The following ST3GAL1 variants were observed in gnomAD, a reference collection of about 807,000 sequenced individuals.
The protein encoded by ST3GAL1 is ST3 beta-galactoside alpha-2,3-sialyltransferase 1.
Under a neutral mutation model 34.1 loss-of-function variants are expected in ST3GAL1, and 16 were observed. That is an observed-to-expected ratio of 0.47 (90% CI 0.32 to 0.71). ST3GAL1 has a LOEUF of 0.71. Among genes scored for constraint, ST3GAL1 ranks in the 30% least tolerant of loss-of-function variants. The pLI, the probability that ST3GAL1 is intolerant of heterozygous loss-of-function variation, is 0.04. For missense variants in ST3GAL1, 353 were observed against 447.4 expected (o/e 0.79, Z 1.90); for synonymous variants, 191 against 184.7 (o/e 1.03, Z -0.28).
intron 2 of ST3GAL1, among the ~76,000 whole-genome samples, chr8:133,545,186 C>T (rs1259651740): frequency 2.0e-5 from 3 of 152,216 alleles, no homozygotes; most frequent in African/African-American, 4.8e-5. Flanking sequence ...CAGCTGTAGA[C>T]CAGAGGTTGC....
At chr8:133,528,964 A>T (rs1216851269) in intron 2 of ST3GAL1, among the ~76,000 whole-genome samples, 8 of 152,256 alleles carry the variant, frequency 5.3e-5, no homozygotes, top group Non-Finnish European at 8.8e-5. Flanking sequence ...AATAAACAGA[A>T]AAAATGGCAT....
At chr8:133,554,431 T>C (rs1327177224) in intron 1 of ST3GAL1, among the ~76,000 whole-genome samples, 2 of 152,234 alleles carry the variant, frequency 1.3e-5, no homozygotes, top group East Asian at 3.9e-4. Flanking sequence ...GACAGTGGGA[T>C]GTAGGGGTGT....
intron 1 of ST3GAL1, among the ~76,000 whole-genome samples, chr8:133,552,493 C>G (rs1230249691): frequency 6.6e-6 from 1 of 152,120 alleles, no homozygotes; most frequent in Non-Finnish European, 1.5e-5. Context: ...GGTGTGTGAA[C>G]CAGGAATGAC....
At chr8:133,518,387 C>T (rs754990949) in intron 2 of ST3GAL1, among the ~76,000 whole-genome samples, 3 of 152,172 alleles carry the variant, frequency 2.0e-5, no homozygotes, top group Non-Finnish European at 4.4e-5. Flanking sequence ...TTACCTGCCC[C>T]GTGTAATAAA....
intron 2 of ST3GAL1, among the ~76,000 whole-genome samples, chr8:133,500,199 A>T (rs1164797386): frequency 1.3e-5 from 2 of 152,116 alleles, no homozygotes; most frequent in Non-Finnish European, 2.9e-5. Context: ...AGGGACAGGG[A>T]TAAAAAGAAC....
chr8:133,471,530 C>T (rs1353182142), intron 5 of ST3GAL1, among the ~76,000 whole-genome samples: 3 of 152,276 alleles, frequency 2.0e-5, no homozygotes, highest in East Asian at 3.9e-4. Flanking sequence ...TCTTATAGAC[C>T]TATTTTACAG....
At chr8:133,568,983 A>T (rs965691156) in intron 1 of ST3GAL1, among the ~76,000 whole-genome samples, 4 of 152,176 alleles carry the variant, frequency 2.6e-5, no homozygotes, top group Non-Finnish European at 5.9e-5. Context: ...CCCTGATTAC[A>T]ATCAGCAAGA....
chr8:133,503,252 G>T (rs1033542147), intron 2 of ST3GAL1, among the ~76,000 whole-genome samples: 1 of 152,060 alleles, frequency 6.6e-6, no homozygotes, highest in East Asian at 1.9e-4. Context: ...CCCAACAAAC[G>T]TTTGATTTGT....
At chr8:133,567,601 C>T (rs1366856846) in intron 1 of ST3GAL1, among the ~76,000 whole-genome samples, 5 of 152,140 alleles carry the variant, frequency 3.3e-5, no homozygotes, top group Non-Finnish European at 7.3e-5. Context: ...AGATGGCACC[C>T]TGGCTCTGTC....
chr8:133,474,721 T>C (rs1227242234), intron 5 of ST3GAL1, among the ~76,000 whole-genome samples: 1 of 152,152 alleles, frequency 6.6e-6, no homozygotes. Flanking sequence ...ATGGTCCTGC[T>C]CTTCTCATGG....
intron 1 of ST3GAL1, among the ~76,000 whole-genome samples, chr8:133,558,610 C>T (rs1042704092): frequency 1.3e-5 from 2 of 152,124 alleles, no homozygotes; most frequent in Non-Finnish European, 2.9e-5. Context: ...CCCGTCCTCC[C>T]GCAAGTAATG....
In ST3GAL1 at chr8:133,551,541, G is replaced by GGAAAGAAAGAAA. The variant is rs10522087; in HGVS notation, c.-581-5627_-581-5616dup. Among the ~76,000 whole-genome samples, 52 of 91,972 alleles carry GGAAAGAAAGAAA rather than the reference G, an allele frequency of 5.7e-4. 1 individual carries two copies. The highest frequency in any genetic ancestry group is 9.2e-4 in the East Asian group (3 of 3,244). 60.3% of individuals were successfully genotyped at this position (91,972 alleles called of 152,430 possible). ...AAGAAAGAAAGAGAAAGAAAGAGAAGGAAAGAAAGAAAGAAAGAAAGAAAG... is the reference window on the plus strand; with the variant it reads ...AAGAAAGAAAGAGAAAGAAAGAGAAGGAAAGAAAGAAAGAAAGAAAGAAAGAAAGAAAGAAAG... On this transcript the variant is annotated intron_variant, in intron 1 of 9. Coordinates refer to ENST00000522652, the MANE Select transcript of ST3GAL1 (RefSeq NM_173344.3).
chr8:133,493,803 G>A (rs982395840), intron 3 of ST3GAL1, among the ~76,000 whole-genome samples: 6 of 148,572 alleles, frequency 4.0e-5, no homozygotes, highest in African/African-American at 1.0e-4. Flanking sequence ...CTGAGATCAC[G>A]CCACTGCACT....
intron 3 of ST3GAL1, among the ~76,000 whole-genome samples, chr8:133,478,358 G>T (rs993048081): frequency 1.3e-5 from 2 of 152,152 alleles, no homozygotes; most frequent in Non-Finnish European, 2.9e-5. Context: ...ACTTTCTTTT[G>T]CTCTGGCTGG....
At chr8:133,470,015 A>G (rs1017792429) in intron 5 of ST3GAL1, among the ~76,000 whole-genome samples, 1 of 152,214 alleles carries the variant, frequency 6.6e-6, no homozygotes, top group Admixed American at 6.5e-5. Context: ...TATCATAGTA[A>G]GTCCTCCCCA....
intron 2 of ST3GAL1, among the ~76,000 whole-genome samples, chr8:133,506,890 C>A (rs1188191061): frequency 1.3e-5 from 2 of 151,686 alleles, no homozygotes; most frequent in African/African-American, 2.4e-5. Flanking sequence ...GAGATGGAGA[C>A]CATCCTGGCG....
At chr8:133,475,249 G>A (rs1005234681) in intron 5 of ST3GAL1, among the ~76,000 whole-genome samples, 2 of 152,242 alleles carry the variant, frequency 1.3e-5, no homozygotes, top group African/African-American at 4.8e-5. Context: ...AGCACTGCCG[G>A]CAGCTGGCAG....
At position 133,466,007 on chromosome 8, in the gene ST3GAL1, A is replaced by G. The variant is rs2130924584; in HGVS notation, c.390T>C (p.Pro130=). ...AGCCCACCGACCTCTTCTCCAGCAT[A>G]GGGTCCACATTCCCAGGCACCACTC... ...LFRVVPGNVD[P]MLEKRSVGCR... Residue 130 remains proline, a synonymous_variant, in exon 6 of 10, where the codon CCT becomes CCC. Transcript: ENST00000522652. The surrounding 1 kb of genome is among the most constrained non-coding windows in gnomAD (Gnocchi z 4.4). The G allele has an allele frequency of 1.2e-6, 2 of 1,614,216 alleles. No individual in the cohort carries two copies. Among genetic ancestry groups the G allele is most frequent in the Non-Finnish European group, 1.7e-6 (2 of 1,180,022 alleles).
intron 2 of ST3GAL1, among the ~76,000 whole-genome samples, chr8:133,540,391 T>G (rs1818430558): frequency 6.6e-6 from 1 of 152,098 alleles, no homozygotes; most frequent in Admixed American, 6.5e-5. Context: ...GATAACACAT[T>G]TTTGTTGTTG....
Sources: allele counts gnomAD v4.1 joint callset (sites outside exome capture counted in the v4.1 genomes callset), GRCh38; gene constraint gnomAD v4.1.1; non-coding constraint Gnocchi (gnomAD v3.1); transcripts MANE v1.5; gene names NCBI Gene and HGNC (gene_info 2026-07-23, HGNC 2026-07-21).